Variants in AKAP6 observed in about 807,000 individuals in gnomAD.
AKAP6 encodes A-kinase anchor protein 6.
Under a neutral mutation model 188.5 loss-of-function variants are expected in AKAP6, and 58 were observed. The observed-to-expected ratio is 0.31, with a 90% CI of 0.25 to 0.38. AKAP6 has a LOEUF of 0.38. AKAP6 is among the 10% of genes least tolerant of loss of function. AKAP6 has a pLI of 1.00. For missense variants in AKAP6, 2,710 were observed against 2,740.0 expected (o/e 0.99, Z 0.24); for synonymous variants, 989 against 998.6 (o/e 0.99, Z 0.18).
At chr14:32,479,890 T>C (rs1280985591) in intron 2 of AKAP6, among the ~76,000 whole-genome samples, 1 of 152,180 alleles carries the variant, frequency 6.6e-6, no homozygotes. Flanking sequence ...AATACATTTG[T>C]ATTGTTTATA....
At chr14:32,389,406 G>GC (rs1414112478) in intron 1 of AKAP6, among the ~76,000 whole-genome samples, 1 of 148,170 alleles carries the variant, frequency 6.7e-6, no homozygotes, top group Non-Finnish European at 1.5e-5. Context: ...TGTATACCTT[G>GC]TTTTTTTTTT....
At chr14:32,626,111 A>T (rs1016900767) in intron 7 of AKAP6, among the ~76,000 whole-genome samples, 1 of 152,260 alleles carries the variant, frequency 6.6e-6, no homozygotes, top group Non-Finnish European at 1.5e-5. Context: ...CTGGTTGGTT[A>T]TACTTGGTCC....
At chr14:32,605,988 A>T (rs1382815409) in intron 7 of AKAP6, among the ~76,000 whole-genome samples, 1 of 152,124 alleles carries the variant, frequency 6.6e-6, no homozygotes, top group African/African-American at 2.4e-5. Flanking sequence ...GTAAAGAAGG[A>T]GGATAGGAGG....
In AKAP6 at chr14:32,330,368, T is replaced by TTTA. The variant is rs554065527; in HGVS notation, c.-35+975_-35+977dup. 1.4e-3 allele frequency among the ~76,000 whole-genome samples: 207 copies of TTTA among 152,120 alleles called. 2 individuals carry two copies. The East Asian group carries it at 0.018, about 13-fold the overall frequency. ...ACTCCTAGCTCTGTTTTTAGGCATC[T>TTTA]TTATTATTATTATTATTTTCTAAAA... On this transcript the variant is annotated intron_variant, in intron 1 of 13. Coordinates refer to ENST00000280979, the MANE Select transcript of AKAP6 (RefSeq NM_004274.5).
In AKAP6 at chr14:32,732,464, T is replaced by C; in HGVS notation, c.3011T>C (p.Val1004Ala). ...CTCTTTTCATTTTAGCGATACAGTG[T>C]GGAAATGTCCATCAGACACCTGAAA... ...QQQHLYKRYS[V>A]EMSIRHLKKT... The change falls in exon 10 of 14, where the codon GTG becomes GCG. Residue 1004 changes from valine to alanine, a missense_variant. This residue lies in a region of AKAP6 where 2,473 missense variants were observed against 2,426.1 expected (regional missense o/e 1.02). Coordinates refer to ENST00000280979, the MANE Select transcript of AKAP6 (RefSeq NM_004274.5). The C allele has an allele frequency of 6.2e-7, 1 of 1,613,082 alleles. No individual in the cohort carries two copies. Among genetic ancestry groups the C allele is most frequent in the South Asian group, 1.1e-5 (1 of 91,034 alleles).
chr14:32,406,648 A>C (rs907842914), intron 1 of AKAP6, among the ~76,000 whole-genome samples: 2 of 152,158 alleles, frequency 1.3e-5, no homozygotes, highest in Non-Finnish European at 2.9e-5. Flanking sequence ...TCAGTTTATT[A>C]TTGTTTTACA....
At chr14:32,828,529 TCACACACACACA>T (rs55957852) in intron 13 of AKAP6, among the ~76,000 whole-genome samples, 78 of 76,002 alleles carry the variant, frequency 1.0e-3, no homozygotes, top group South Asian at 5.1e-3. Context: ...TCTCTCTCTC[TCACACACACACA>T]CACACACACA....
Position 32,339,766 on chromosome 14 carries a change from C to T in AKAP6, c.-35+10358C>T, listed in dbSNP as rs374526020. Among the ~76,000 whole-genome samples the T allele has an allele frequency of 1.5e-4, 23 of 152,194 alleles. No individual in the cohort carries two copies. In the East Asian group the frequency reaches 2.9e-3, roughly 19 times the overall value. ...TGCTCTAATGAGAAATAGAGCAAAG[C>T]ACAGGAACACAATGATACAGTTGTT... On this transcript the variant is annotated intron_variant, in intron 1 of 13. Coordinates refer to ENST00000280979, the MANE Select transcript of AKAP6 (RefSeq NM_004274.5).
chr14:32,658,141 A>C (rs1395255017), intron 7 of AKAP6, among the ~76,000 whole-genome samples: 2 of 152,086 alleles, frequency 1.3e-5, no homozygotes, highest in Non-Finnish European at 2.9e-5. Context: ...AGAGGTTAGG[A>C]GGTAGATGGT....
At chr14:32,564,790 T>G (rs1884114490) in intron 4 of AKAP6, among the ~76,000 whole-genome samples, 2 of 152,328 alleles carry the variant, frequency 1.3e-5, no homozygotes, top group East Asian at 1.9e-4. Flanking sequence ...TGTCTCCTGG[T>G]TATTACCAGA....
intron 5 of AKAP6, among the ~76,000 whole-genome samples, chr14:32,585,392 G>A (rs755559705): frequency 2.2e-4 from 33 of 152,166 alleles, no homozygotes; most frequent in African/African-American, 5.1e-4. Flanking sequence ...CTGGACACAC[G>A]TTAACCAACC....
At chr14:32,768,068 G>A (rs754597607) in intron 11 of AKAP6, among the ~76,000 whole-genome samples, 11 of 152,068 alleles carry the variant, frequency 7.2e-5, no homozygotes, top group Non-Finnish European at 4.4e-5. Flanking sequence ...ATAAAGTTTG[G>A]CACATAAATG....
At chr14:32,497,841 G>A (rs1880403777) in intron 2 of AKAP6, among the ~76,000 whole-genome samples, 1 of 151,906 alleles carries the variant, frequency 6.6e-6, no homozygotes, top group African/African-American at 2.4e-5. Context: ...TTAACATTTA[G>A]GATTGTTGTG....
At chr14:32,826,986 A>T (rs1057476375) in intron 13 of AKAP6, among the ~76,000 whole-genome samples, 2 of 152,146 alleles carry the variant, frequency 1.3e-5, no homozygotes, top group Non-Finnish European at 2.9e-5. Flanking sequence ...TACTGGTCCT[A>T]TTCAGGATTT....
intron 1 of AKAP6, among the ~76,000 whole-genome samples, chr14:32,402,620 C>G (rs1454999810): frequency 6.6e-6 from 1 of 152,126 alleles, no homozygotes; most frequent in Non-Finnish European, 1.5e-5. Context: ...GACTATACAG[C>G]TGTTTGAAGG....
At chr14:32,494,733 C>T (rs1174747941) in intron 2 of AKAP6, among the ~76,000 whole-genome samples, 1 of 152,128 alleles carries the variant, frequency 6.6e-6, no homozygotes, top group Admixed American at 6.6e-5. Context: ...GCATGCCTCT[C>T]TTGAATTCTA....
At chr14:32,348,993 C>A (rs534355297) in intron 1 of AKAP6, among the ~76,000 whole-genome samples, 2 of 152,278 alleles carry the variant, frequency 1.3e-5, no homozygotes, top group African/African-American at 4.8e-5. Context: ...AGACAGAGTG[C>A]TTGAGGTAGA....
intron 2 of AKAP6, among the ~76,000 whole-genome samples, chr14:32,488,284 G>A (rs1169891968): frequency 6.6e-6 from 1 of 152,172 alleles, no homozygotes; most frequent in East Asian, 1.9e-4. Flanking sequence ...GAGCTGTGGT[G>A]GCCTCCACCC....
At chr14:32,744,398 A>C (rs1049492123) in intron 11 of AKAP6, among the ~76,000 whole-genome samples, 1 of 151,136 alleles carries the variant, frequency 6.6e-6, no homozygotes, top group Admixed American at 6.6e-5. Flanking sequence ...CTCACTGCAA[A>C]CTCCACCTCC....
Sources: gnomAD v4.1 joint callset for allele counts (sites outside exome capture counted in the v4.1 genomes callset) on GRCh38, gnomAD v4.1.1 for gene constraint, gnomAD v4.1.1 regional missense constraint, MANE v1.5 for transcripts, NCBI Gene and HGNC (gene_info 2026-07-23, HGNC 2026-07-21) for gene names.